PRUNE2: variants seen among roughly 807,000 people sequenced by gnomAD.
PRUNE2 encodes the protein prune homolog 2 with BCH domain.
In PRUNE2, 164 loss-of-function variants were observed where a neutral mutation model predicts 252.0. The ratio of observed to expected loss-of-function variants is 0.65; its 90% CI spans 0.57 to 0.74. PRUNE2 has a LOEUF of 0.74. PRUNE2 is among the 30% of genes least tolerant of loss of function. The pLI is 0.00. For synonymous variants in PRUNE2, 1,292 were observed against 1,350.2 expected, an observed-to-expected ratio of 0.96 and a Z score of 0.94; for missense variants, 3,495 against 3,711.0, an observed-to-expected ratio of 0.94 and a Z score of 1.51.
chr9:76,622,118 C>T (rs1038028597), intron 17 of PRUNE2, among the ~76,000 whole-genome samples: 1 of 152,146 alleles, frequency 6.6e-6, no homozygotes, highest in African/African-American at 2.4e-5. Context: ...ACCCACTGCT[C>T]AACAGCAATG....
chr9:76,709,568 A>G lies in PRUNE2; in HGVS notation c.2706T>C (p.Gly902=). The G allele has an allele frequency of 6.2e-7, 1 of 1,613,876 alleles. No homozygotes were observed. The highest frequency in any genetic ancestry group is 8.5e-7 in the Non-Finnish European group (1 of 1,179,860). Residue 902 remains glycine, a synonymous_variant, in exon 8 of 19, where the codon GGT becomes GGC. Transcript: ENST00000376718. The part of the protein sequence containing the change: ...NSKPPKEDQN[G]LVDPKTRGKV... Reference sequence around the variant, plus strand: ...TGCCCCTAGTTTTAGGATCCACTAAACCATTCTGATCTTCTTTTGGTGGCT... The same window carrying G: ...TGCCCCTAGTTTTAGGATCCACTAAGCCATTCTGATCTTCTTTTGGTGGCT...
At chr9:76,806,594 G>A (rs1414591455) in intron 6 of PRUNE2, among the ~76,000 whole-genome samples, 1 of 147,804 alleles carries the variant, frequency 6.8e-6, no homozygotes, top group African/African-American at 2.5e-5. Context: ...TGCAAGCTCC[G>A]CCTCCCGGGT....
At chr9:76,837,928 C>T (rs111373248) in intron 4 of PRUNE2, among the ~76,000 whole-genome samples, 14,801 of 151,386 alleles carry the variant, frequency 0.098, 1,012 homozygotes, top group East Asian at 0.19. Context: ...CCTGCCACCA[C>T]GCCCAGCTAA....
At chr9:76,822,294 A>G (rs1192486969) in intron 6 of PRUNE2, among the ~76,000 whole-genome samples, 3 of 152,238 alleles carry the variant, frequency 2.0e-5, no homozygotes, top group Admixed American at 6.5e-5. Flanking sequence ...TGCTCTGTAA[A>G]CTGTGAGGTG....
At position 76,749,333 on chromosome 9, in the gene PRUNE2, C is replaced by G. The variant is rs867058411; in HGVS notation, c.757-35612G>C. ...GAGAAAGTCAGTCCCAAAGTGCAGA[C>G]GTTAACATTCCTTTCTTCTCACCCC... On this transcript the variant is annotated intron_variant, in intron 6 of 18. Coordinates refer to ENST00000376718, the MANE Select transcript of PRUNE2 (RefSeq NM_015225.3). 3.3e-5 allele frequency among the ~76,000 whole-genome samples: 5 copies of G among 152,174 alleles called. No individual in the cohort carries two copies. The East Asian group carries it at 9.6e-4, about 29-fold the overall frequency.
chr9:76,772,158 T>C (rs1589135688), intron 6 of PRUNE2, among the ~76,000 whole-genome samples: 1 of 152,092 alleles, frequency 6.6e-6, no homozygotes, highest in Admixed American at 6.6e-5. Context: ...TTTTTGTGTG[T>C]TGCTCGTTGT....
intron 6 of PRUNE2, among the ~76,000 whole-genome samples, chr9:76,816,588 C>G (rs1056128350): frequency 2.6e-5 from 4 of 152,188 alleles, no homozygotes; most frequent in African/African-American, 9.6e-5. Flanking sequence ...AGTTACCTAA[C>G]TGTATTTGTC....
chr9:76,710,312 G>A lies in PRUNE2; in HGVS notation c.1962C>T (p.Ser654=), dbSNP rs757734934. The stretch of plus-strand genomic sequence containing the variant: ...CAATTTCCAAACCACCCCACCAGCT[G>A]CTGCACCGTGCATGGGTCTGAGGTG... The part of the protein sequence containing the change: ...MGPPQTHARC[S]SWWGGLEIDS... The change falls in exon 8 of 19, where the codon AGC becomes AGT. Residue 654 remains serine, a synonymous_variant. Transcript: ENST00000376718. 2 of 1,613,974 alleles carry A rather than the reference G, an allele frequency of 1.2e-6. No homozygotes were observed. The highest frequency in any genetic ancestry group is 1.7e-5 in the Admixed American group (1 of 60,012).
intron 4 of PRUNE2, among the ~76,000 whole-genome samples, chr9:76,845,352 C>T (rs2059617518): frequency 6.6e-6 from 1 of 152,204 alleles, no homozygotes; most frequent in Non-Finnish European, 1.5e-5. Context: ...TTCTCTAGTG[C>T]TTGGCTGCAC....
intron 9 of PRUNE2, among the ~76,000 whole-genome samples, chr9:76,684,905 C>T (rs1353374920): frequency 6.6e-6 from 1 of 152,190 alleles, no homozygotes; most frequent in Non-Finnish European, 1.5e-5. Context: ...GAGTGCACCA[C>T]CATGCCTGGC....
At chr9:76,628,313 T>G (rs1449144448) in intron 16 of PRUNE2, among the ~76,000 whole-genome samples, 2 of 152,236 alleles carry the variant, frequency 1.3e-5, no homozygotes, top group African/African-American at 4.8e-5. Context: ...TCAGTACCCA[T>G]GCAGGATGCT....
At chr9:76,637,009 G>GTGTGTGTGTGTGTGTGTATA (rs1554779750) in intron 14 of PRUNE2, among the ~76,000 whole-genome samples, 2 of 150,288 alleles carry the variant, frequency 1.3e-5, no homozygotes, top group African/African-American at 4.9e-5. Flanking sequence ...GTGTGTGTGT[G>GTGTGTGTGTGTGTGTGTATA]TATAATTTTA....
At chr9:76,900,387 T>C (rs1189497477) in intron 1 of PRUNE2, among the ~76,000 whole-genome samples, 1 of 152,150 alleles carries the variant, frequency 6.6e-6, no homozygotes, top group East Asian at 1.9e-4. Context: ...ACTAGTCTCA[T>C]AAGAGCTCTG....
At chr9:76,644,405 C>A (rs969147759) in intron 12 of PRUNE2, 11 of 373,716 alleles carry the variant, frequency 2.9e-5, no homozygotes, top group Non-Finnish European at 5.7e-5. Flanking sequence ...ATACTCTGTT[C>A]AGTTCAACCG....
chr9:76,858,133 T>C (rs1386695397), intron 1 of PRUNE2, among the ~76,000 whole-genome samples: 1 of 152,218 alleles, frequency 6.6e-6, no homozygotes, highest in Non-Finnish European at 1.5e-5. Context: ...CAATTTGATT[T>C]ACTATTGTCA....
intron 6 of PRUNE2, among the ~76,000 whole-genome samples, chr9:76,813,316 C>T (rs2057477461): frequency 6.6e-6 from 1 of 152,174 alleles, no homozygotes; most frequent in African/African-American, 2.4e-5. Flanking sequence ...TAAGTTCCTC[C>T]ATAATATCCT....
intron 6 of PRUNE2, among the ~76,000 whole-genome samples, chr9:76,765,037 A>G (rs1386844462): frequency 6.6e-6 from 1 of 152,192 alleles, no homozygotes; most frequent in Non-Finnish European, 1.5e-5. Flanking sequence ...TACCCATTAG[A>G]TATTTAAATG....
chr9:76,826,028 G>A (rs951737945), intron 5 of PRUNE2, among the ~76,000 whole-genome samples: 7 of 152,174 alleles, frequency 4.6e-5, no homozygotes, highest in African/African-American at 1.7e-4. Flanking sequence ...CCTGAGATAT[G>A]CACTAGAGAC....
chr9:76,754,964 CAAAAAAA>C (rs11292120), intron 6 of PRUNE2, among the ~76,000 whole-genome samples: 5 of 67,964 alleles, frequency 7.4e-5, no homozygotes, highest in South Asian at 5.8e-4. Flanking sequence ...GACTCGGTCT[CAAAAAAA>C]AAAAAAAAAA....
Sources: allele counts gnomAD v4.1 joint callset (sites outside exome capture counted in the v4.1 genomes callset), GRCh38; gene constraint gnomAD v4.1.1; transcripts MANE v1.5; gene names NCBI Gene and HGNC (gene_info 2026-07-23, HGNC 2026-07-21).